The following USP13 variants were observed in gnomAD, a reference collection of about 807,000 sequenced individuals.
The protein encoded by USP13 is ubiquitin specific peptidase 13.
In USP13, 68 loss-of-function variants were observed where a neutral mutation model predicts 107.8. That is an observed-to-expected ratio of 0.63 (90% CI 0.52 to 0.77). USP13 has a LOEUF of 0.77. Among genes scored for constraint, USP13 ranks in the 30% least tolerant of loss-of-function variants. The pLI, the probability that USP13 is intolerant of heterozygous loss-of-function variation, is 0.00. For missense variants in USP13, 945 were observed against 1,093.3 expected (o/e 0.86, Z 1.91); for synonymous variants, 377 against 389.5 (o/e 0.97, Z 0.38).
chr3:179,685,881 A>G (rs1384133661), intron 2 of USP13, among the ~76,000 whole-genome samples: 1 of 152,034 alleles, frequency 6.6e-6, no homozygotes, highest in Non-Finnish European at 1.5e-5. Flanking sequence ...TGTTTAGCTT[A>G]CTTCTCATGA....
At chr3:179,664,176 A>G (rs553378974) in intron 1 of USP13, among the ~76,000 whole-genome samples, 4 of 150,636 alleles carry the variant, frequency 2.7e-5, no homozygotes, top group African/African-American at 7.3e-5. Context: ...GCTGGAGTGC[A>G]GTGGCATGAT....
rs559955326 is a variant in USP13, at chr3:179,730,551, A to G, written c.1161-65A>G. On this transcript the variant is annotated intron_variant, in intron 9 of 20. Transcript: ENST00000263966. ...GTTGTACTTATTGATATTCATAGAT[A>G]AATTTAATATTACTATGGAAAAACA... is the stretch of plus-strand genomic sequence containing the variant. The G allele has an allele frequency of 6.7e-6, 9 of 1,351,078 alleles. No individual in the cohort carries two copies. The African/African-American group carries it at 1.0e-4, about 15-fold the overall frequency. The allele number at this position is 1,351,078 out of a possible 1,614,324, so 83.7% of individuals were successfully genotyped here.
At chr3:179,733,034 G>A (rs1352449744) in intron 10 of USP13, among the ~76,000 whole-genome samples, 2 of 152,226 alleles carry the variant, frequency 1.3e-5, no homozygotes, top group East Asian at 1.9e-4. Flanking sequence ...TCCCAGGCCC[G>A]CAATGACAGC....
chr3:179,709,003 T>G (rs1712828911), intron 6 of USP13, 46 bp downstream of exon 6: 1 of 1,587,640 alleles, frequency 6.3e-7, no homozygotes, highest in African/African-American at 1.3e-5. Flanking sequence ...TGGCTTCCTC[T>G]TAGATTTAAC....
chr3:179,721,483 A>G lies in USP13; in HGVS notation c.982A>G (p.Lys328Glu). Reference sequence around the variant, plus strand: ...GATCCAGGAGTCGGGCACGAAACTGAAGCCAATGTATGGTCCTGGCTACAC... The same window carrying G: ...GATCCAGGAGTCGGGCACGAAACTGGAGCCAATGTATGGTCCTGGCTACAC... The part of the protein sequence containing the change: ...EVIQESGTKL[K>E]PMYGPGYTGL... The change falls in exon 8 of 21, where the codon AAG (lysine) becomes GAG (glutamate). Residue 328 changes from lysine to glutamate, a missense_variant. Physicochemically the swap from Lys to Glu is moderately conservative, Grantham distance 56. Coordinates refer to ENST00000263966, the MANE Select transcript of USP13 (RefSeq NM_003940.3). This position sits in a 1 kb window ranked among gnomAD's most constrained non-coding sequence, Gnocchi z 4.3. 6.2e-7 allele frequency: 1 copy of G among 1,614,186 alleles called. No homozygotes were observed. The highest frequency in any genetic ancestry group is 8.5e-7 in the Non-Finnish European group (1 of 1,180,040).
chr3:179,654,443 G>C (rs1018211783), intron 1 of USP13, among the ~76,000 whole-genome samples: 1 of 152,150 alleles, frequency 6.6e-6, no homozygotes, highest in Non-Finnish European at 1.5e-5. Context: ...CCTTCCACCC[G>C]GGGCGGTTGG....
Position 179,727,050 on chromosome 3 carries a change from T to C in USP13, c.1089-3139T>C, listed in dbSNP as rs554148903. ...AATGATAACAACAATCTCTTCCTCA[T>C]ACGGTTGCAATGAAAACTCAACAGG... is the stretch of plus-strand genomic sequence containing the variant. On this transcript the variant is annotated intron_variant, in intron 8 of 20. Coordinates refer to ENST00000263966, the MANE Select transcript of USP13 (RefSeq NM_003940.3). Among the ~76,000 whole-genome samples, 8 of 151,952 alleles carry C rather than the reference T, an allele frequency of 5.3e-5. No homozygotes were observed. In the South Asian group the frequency reaches 1.5e-3, roughly 28 times the overall value.
chr3:179,681,508 G>A (rs1711651536), intron 1 of USP13, among the ~76,000 whole-genome samples: 1 of 152,200 alleles, frequency 6.6e-6, no homozygotes, highest in Non-Finnish European at 1.5e-5. Context: ...ATCACAAAGA[G>A]ATAAATGCAG....
At chr3:179,680,591 G>C (rs895247705) in intron 1 of USP13, among the ~76,000 whole-genome samples, 1 of 151,954 alleles carries the variant, frequency 6.6e-6, no homozygotes, top group Non-Finnish European at 1.5e-5. Context: ...TTGTCACCCA[G>C]GCTGGAGTGC....
chr3:179,677,477 G>A (rs1264372870), intron 1 of USP13, among the ~76,000 whole-genome samples: 1 of 152,058 alleles, frequency 6.6e-6, no homozygotes, highest in East Asian at 1.9e-4. Context: ...ATACTTGGGA[G>A]GCTGAGGCAG....
At chr3:179,669,022 A>G (rs549195899) in intron 1 of USP13, among the ~76,000 whole-genome samples, 1 of 152,322 alleles carries the variant, frequency 6.6e-6, no homozygotes, top group Admixed American at 6.5e-5. Context: ...TGGTGGCTTG[A>G]TGAAAGCAAA....
At chr3:179,673,771 G>A (rs1720813097) in intron 1 of USP13, among the ~76,000 whole-genome samples, 1 of 152,186 alleles carries the variant, frequency 6.6e-6, no homozygotes, top group African/African-American at 2.4e-5. Flanking sequence ...TTTCCTGGCG[G>A]GTGAGACACT....
chr3:179,767,847 A>G (rs1033441444), intron 19 of USP13, among the ~76,000 whole-genome samples: 13 of 152,218 alleles, frequency 8.5e-5, no homozygotes, highest in African/African-American at 3.1e-4. Context: ...TGTTCTTTCC[A>G]GACCTAACAT....
intron 19 of USP13, among the ~76,000 whole-genome samples, chr3:179,772,535 G>A (rs766129935): frequency 6.6e-6 from 1 of 152,198 alleles, no homozygotes. Context: ...CCACCCAGAA[G>A]AGGATCTAGG....
chr3:179,784,035 GT>G lies in USP13; in HGVS notation c.2499-12del. 1 of 1,602,906 alleles carries G rather than the reference GT, an allele frequency of 6.2e-7. No homozygotes were observed. ...TGACTTAAATCCATCAAATGCTTCT[GT>G]CTTATTTTCAGATGGGTGATTTACA... On this transcript the variant is annotated splice_polypyrimidine_tract_variant and intron_variant, in intron 20 of 20. Coordinates refer to ENST00000263966, the MANE Select transcript of USP13 (RefSeq NM_003940.3).
rs1186020425 is a variant in USP13 at position 179,708,963 on chromosome 3, T to C, written c.805+6T>C. On this transcript the variant is annotated splice_donor_region_variant and intron_variant, in intron 6 of 20. Transcript: ENST00000263966. ...CATCACTCCTGACGGGGCAGGTGAG[T>C]GCGCCTTTACCGACTTTGGGAACAT... 1.2e-6 allele frequency: 2 copies of C among 1,612,228 alleles called. No individual in the cohort carries two copies. The highest frequency in any genetic ancestry group is 1.3e-5 in the African/African-American group (1 of 74,804).
intron 19 of USP13, among the ~76,000 whole-genome samples, chr3:179,775,743 C>T (rs938745507): frequency 6.6e-6 from 1 of 152,220 alleles, no homozygotes; most frequent in African/African-American, 2.4e-5. Flanking sequence ...ACCCCCTCCA[C>T]AGATGCTGGC....
At chr3:179,724,151 C>A (rs1181205139) in intron 8 of USP13, among the ~76,000 whole-genome samples, 1 of 151,464 alleles carries the variant, frequency 6.6e-6, no homozygotes, top group Non-Finnish European at 1.5e-5. Context: ...AGAGTGAGAT[C>A]CTGTCTTTAA....
intron 3 of USP13, among the ~76,000 whole-genome samples, chr3:179,698,378 A>G (rs1712392260): frequency 6.6e-6 from 1 of 152,158 alleles, no homozygotes; most frequent in African/African-American, 2.4e-5. Context: ...TTAAAACTTT[A>G]TCTTGTTTAA....
Sources: allele counts gnomAD v4.1 joint callset (sites outside exome capture counted in the v4.1 genomes callset), GRCh38; gene constraint gnomAD v4.1.1; non-coding constraint Gnocchi (gnomAD v3.1); transcripts MANE v1.5; gene names NCBI Gene and HGNC (gene_info 2026-07-23, HGNC 2026-07-21).